CXCL12: variants seen among roughly 807,000 people sequenced by gnomAD.
The protein encoded by CXCL12 is stromal cell-derived factor 1.
In CXCL12, 4 loss-of-function variants were observed where a neutral mutation model predicts 10.7. The observed-to-expected ratio is 0.37, with a 90% CI of 0.18 to 0.86. The LOEUF (loss-of-function observed/expected upper bound fraction) is 0.86, where lower values mean the gene tolerates loss of function less well. Ranked by LOEUF, CXCL12 falls within the 40% of genes least tolerant of loss-of-function variation. The pLI is 0.43. For missense variants in CXCL12, 122 were observed against 110.4 expected (o/e 1.10, Z -0.47); for synonymous variants, 54 against 45.4 (o/e 1.19, Z -0.77).
exon 4 of CXCL12, chr10:44,370,799 T>C (rs17883887): frequency 0.23 from 34,280 of 152,206 alleles, 4,343 homozygotes; most frequent in African/African-American, 0.33. Flanking sequence ...ACAAGCAGAG[T>C]GCCCTCTGGA....
intron 2 of CXCL12, 39 bp downstream of exon 2, chr10:44,380,724 A>C (rs375557870): frequency 2.6e-6 from 4 of 1,520,472 alleles, no homozygotes; most frequent in Non-Finnish European, 3.7e-6. Flanking sequence ...CGTTAGATGC[A>C]ACTATGTTCG....
intron 1 of CXCL12, among the ~76,000 whole-genome samples, chr10:44,384,276 G>C (rs1839727898): frequency 6.6e-6 from 1 of 152,122 alleles, no homozygotes; most frequent in Admixed American, 6.5e-5. Context: ...GCGGCTGGAC[G>C]CGCGCCCAGG....
rs17884204 is a variant in CXCL12 at position 44,377,396 on chromosome 10, T to TA, written c.*1236dup. ...AATACATTTGTTTTCTAAAGAAACGTAAAAAAAAATGTGCACAAAAATATA... is the reference window on the plus strand; with the variant it reads ...AATACATTTGTTTTCTAAAGAAACGTAAAAAAAAAATGTGCACAAAAATATA... On this transcript the variant is annotated 3_prime_UTR_variant, in exon 3 of 3. Coordinates refer to ENST00000343575, the MANE Select transcript of CXCL12 (RefSeq NM_199168.4). 2.6e-4 allele frequency: 273 copies of TA among 1,064,078 alleles called. No homozygotes were observed. Among genetic ancestry groups the TA allele is most frequent in the Middle Eastern group, 8.7e-4 (2 of 2,304 alleles). 65.9% of individuals were successfully genotyped at this position (1,064,078 alleles called of 1,614,324 possible). A position where few individuals can be genotyped will look rare whatever the true frequency, so the allele number is the denominator to read the frequency against.
chr10:44,374,271 C>T (rs1319566241), downstream of CXCL12: 1 of 365,048 alleles, frequency 2.7e-6, no homozygotes, highest in Non-Finnish European at 5.4e-6. Flanking sequence ...GACTGGCCAC[C>T]CCTCCCCAGG....
chr10:44,376,086 C>A (rs1839441952), downstream of CXCL12: 18 of 1,595,222 alleles, frequency 1.1e-5, no homozygotes, highest in South Asian at 1.2e-4. Context: ...AAAAGTTCGT[C>A]TCAGTCTGCA....
chr10:44,384,921 G>A, intron 1 of CXCL12, 24 bp downstream of exon 1: 1 of 1,520,062 alleles, frequency 6.6e-7, no homozygotes. Flanking sequence ...GCCTCGCCAG[G>A]GCCTCCCCGC....
intron 2 of CXCL12, 165 bp downstream of exon 2, chr10:44,380,598 T>C (rs1270225166): frequency 1.3e-5 from 9 of 683,286 alleles, no homozygotes; most frequent in Admixed American, 6.5e-5. Flanking sequence ...CCTGGTGGCA[T>C]ACTAAAGGTC....
chr10:44,384,249 G>A (rs1839726571), intron 1 of CXCL12, among the ~76,000 whole-genome samples: 1 of 152,142 alleles, frequency 6.6e-6, no homozygotes, highest in African/African-American at 2.4e-5. Context: ...GTGAACCCGA[G>A]AAGAGACAGG....
chr10:44,380,959 T>A, intron 1 of CXCL12, 79 bp from the exon 2 acceptor site: 1 of 1,141,486 alleles, frequency 8.8e-7, no homozygotes, highest in East Asian at 2.3e-5. Flanking sequence ...CAGCAGTTGG[T>A]GCAGCGATTA....
intron 1 of CXCL12, among the ~76,000 whole-genome samples, chr10:44,383,538 C>T (rs1338837147): frequency 2.1e-5 from 3 of 144,284 alleles, no homozygotes; most frequent in African/African-American, 5.2e-5. Flanking sequence ...TCAATAACTG[C>T]CCAAACCAGA....
chr10:44,375,288 G>A (rs765332692), downstream of CXCL12, among the ~76,000 whole-genome samples: 7 of 152,198 alleles, frequency 4.6e-5, no homozygotes, highest in Admixed American at 6.5e-5. Flanking sequence ...AAACCCACCC[G>A]GGCTTGGGGA....
downstream of CXCL12, chr10:44,376,965 G>A (rs1380081109): frequency 4.2e-5 from 13 of 310,470 alleles, no homozygotes; most frequent in Non-Finnish European, 5.6e-5. Flanking sequence ...TAATCTGCTC[G>A]TGAGAAAAGC....
At chr10:44,376,744 A>G (rs1384000587), downstream of CXCL12, among the ~76,000 whole-genome samples, 1 of 152,070 alleles carries the variant, frequency 6.6e-6, no homozygotes, top group Non-Finnish European at 1.5e-5. Flanking sequence ...CATGGCCTGG[A>G]GTCATGGGAT....
chr10:44,375,137 T>G (rs574169093), downstream of CXCL12, among the ~76,000 whole-genome samples: 1 of 152,280 alleles, frequency 6.6e-6, no homozygotes, highest in South Asian at 2.1e-4. Context: ...CAAAGTTCCA[T>G]AGCACATCTG....
chr10:44,377,666 C>T lies in CXCL12; in HGVS notation c.*967G>A. Reference sequence around the variant, plus strand: ...AGGCTTCAGAGGCAATCACAAAACCCAGTCACTCAAAGCGAGCTCTCAGAT... The same window carrying T: ...AGGCTTCAGAGGCAATCACAAAACCTAGTCACTCAAAGCGAGCTCTCAGAT... On this transcript the variant is annotated 3_prime_UTR_variant, in exon 3 of 3. Coordinates refer to ENST00000343575, the MANE Select transcript of CXCL12 (RefSeq NM_199168.4). The T allele has an allele frequency of 6.4e-7, 1 of 1,566,004 alleles. No homozygotes were observed. The highest frequency in any genetic ancestry group is 8.6e-7 in the Non-Finnish European group (1 of 1,163,900).
At chr10:44,370,964 AG>A (rs1469752990), downstream of CXCL12, 2 of 156,684 alleles carry the variant, frequency 1.3e-5, no homozygotes, top group African/African-American at 4.8e-5. Context: ...GCCTCTGAAG[AG>A]GTTACAGGGA....
Position 44,381,117 on chromosome 10 carries a change from G to A in CXCL12, c.62-237C>T, listed in dbSNP as rs138883045. 1.5e-4 allele frequency among the ~76,000 whole-genome samples: 23 copies of A among 152,286 alleles called. No individual in the cohort carries two copies. In the East Asian group the frequency reaches 3.9e-3, roughly 26 times the overall value. ...GAGCCCAACAGGCCTGGGGAGAGCC[G>A]GAGCCTAGATGAGGCGGGAGTTTAA... is the stretch of plus-strand genomic sequence containing the variant. On this transcript the variant is annotated intron_variant, in intron 1 of 2. Coordinates refer to ENST00000343575, the MANE Select transcript of CXCL12 (RefSeq NM_199168.4).
At chr10:44,376,117 T>G (rs563334736), downstream of CXCL12, 1 of 1,458,888 alleles carries the variant, frequency 6.9e-7, no homozygotes, top group Non-Finnish European at 9.4e-7. Context: ...CACTGGCCCG[T>G]GTACTGGTTA....
At chr10:44,382,280 C>G (rs759156538) in intron 1 of CXCL12, among the ~76,000 whole-genome samples, 1 of 152,198 alleles carries the variant, frequency 6.6e-6, no homozygotes, top group Non-Finnish European at 1.5e-5. Flanking sequence ...GCACTGGGAC[C>G]CTGCAGGGGA....
Sources: gnomAD v4.1 joint callset for allele counts (sites outside exome capture counted in the v4.1 genomes callset) on GRCh38, gnomAD v4.1.1 for gene constraint, MANE v1.5 for transcripts, NCBI Gene and HGNC (gene_info 2026-07-23, HGNC 2026-07-21) for gene names.